Variants in TCF7L1 observed in about 807,000 individuals in gnomAD.
The protein encoded by TCF7L1 is transcription factor 7-like 1.
A neutral mutation model predicts 63.7 loss-of-function variants in TCF7L1; 18 were observed. That is an observed-to-expected ratio of 0.28 (90% confidence interval 0.20 to 0.42). The LOEUF (loss-of-function observed/expected upper bound fraction) is 0.42, where lower values mean the gene tolerates loss of function less well. Among genes scored for constraint, TCF7L1 ranks in the 10% least tolerant of loss-of-function variants. TCF7L1 has a pLI of 1.00. For missense variants in TCF7L1, 654 were observed against 779.3 expected (o/e 0.84, Z 1.91); for synonymous variants, 355 against 340.9 (o/e 1.04, Z -0.46).
At chr2:85,144,159 A>G (rs1677810411) in intron 3 of TCF7L1, among the ~76,000 whole-genome samples, 1 of 152,318 alleles carries the variant, frequency 6.6e-6, no homozygotes, top group East Asian at 1.9e-4. Flanking sequence ...ATGTACAAGT[A>G]TTATTTCCTT....
At chr2:85,177,574 G>A (rs899147806) in intron 3 of TCF7L1, among the ~76,000 whole-genome samples, 1 of 151,924 alleles carries the variant, frequency 6.6e-6, no homozygotes, top group African/African-American at 2.4e-5. Flanking sequence ...GTGTGGTGGC[G>A]CATGCCTGTA....
intron 3 of TCF7L1, among the ~76,000 whole-genome samples, chr2:85,276,529 C>T (rs750639523): frequency 6.6e-6 from 1 of 152,096 alleles, no homozygotes; most frequent in Non-Finnish European, 1.5e-5. Flanking sequence ...TGTGAAGAAG[C>T]GATCCGTGTC....
At chr2:85,152,055 C>A (rs376561690) in intron 3 of TCF7L1, among the ~76,000 whole-genome samples, 1 of 152,314 alleles carries the variant, frequency 6.6e-6, no homozygotes, top group Non-Finnish European at 1.5e-5. Context: ...CTTATTGATA[C>A]CCAAACTGTC....
chr2:85,226,498 T>C (rs1173987084), intron 3 of TCF7L1, among the ~76,000 whole-genome samples: 1 of 152,212 alleles, frequency 6.6e-6, no homozygotes, highest in Non-Finnish European at 1.5e-5. Context: ...CTGGCTTCTT[T>C]GCTGCTGTGC....
In TCF7L1 at chr2:85,134,585, ACT is replaced by A. The variant is rs776073229; in HGVS notation, c.441+140_441+141del. On this transcript the variant is annotated intron_variant, in intron 3 of 11. Coordinates refer to ENST00000282111, the MANE Select transcript of TCF7L1 (RefSeq NM_031283.3). This position sits in a 1 kb window ranked among gnomAD's most constrained non-coding sequence, Gnocchi z 5.0. ...CAGAACTTGTTTGCGGAGTTGAACT[ACT>A]CTCTGGCGGCCGAGCGCGAGGCTGC... is the stretch of plus-strand genomic sequence containing the variant. 26 of 1,244,204 alleles carry A rather than the reference ACT, an allele frequency of 2.1e-5. 1 individual carries two copies. In the South Asian group the frequency reaches 3.6e-4, roughly 17 times the overall value. The allele number at this position is 1,244,204 out of a possible 1,614,324, so 77.1% of individuals were successfully genotyped here.
chr2:85,252,818 C>A (rs1680626732), intron 3 of TCF7L1, among the ~76,000 whole-genome samples: 1 of 152,202 alleles, frequency 6.6e-6, no homozygotes. Context: ...ATTAGTCCTC[C>A]CTTCTCTGAG....
intron 3 of TCF7L1, among the ~76,000 whole-genome samples, chr2:85,269,107 A>T (rs971008209): frequency 6.6e-6 from 1 of 152,164 alleles, no homozygotes; most frequent in African/African-American, 2.4e-5. Flanking sequence ...GTGTCCTGGG[A>T]TGCTCTGACC....
intron 3 of TCF7L1, among the ~76,000 whole-genome samples, chr2:85,190,751 C>G (rs184074896): frequency 3.0e-4 from 46 of 152,332 alleles, no homozygotes; most frequent in African/African-American, 1.1e-3. Context: ...GGACTAAGAG[C>G]TTTGTACATA....
At chr2:85,307,051 T>C (rs1194214542) in intron 10 of TCF7L1, among the ~76,000 whole-genome samples, 1 of 151,910 alleles carries the variant, frequency 6.6e-6, no homozygotes, top group Admixed American at 6.6e-5. Flanking sequence ...TCTCAGGAGG[T>C]CAACAAGTCC....
intron 3 of TCF7L1, among the ~76,000 whole-genome samples, chr2:85,202,912 C>T (rs1558632483): frequency 6.6e-6 from 1 of 152,168 alleles, no homozygotes; most frequent in Non-Finnish European, 1.5e-5. Context: ...AGGCTCACTG[C>T]AAGCTCCACC....
At chr2:85,274,301 G>T (rs887877402) in intron 3 of TCF7L1, among the ~76,000 whole-genome samples, 1 of 152,220 alleles carries the variant, frequency 6.6e-6, no homozygotes, top group Non-Finnish European at 1.5e-5. Flanking sequence ...TCGAAAGCAA[G>T]TTGAACTTTG....
intron 3 of TCF7L1, among the ~76,000 whole-genome samples, chr2:85,237,836 G>A (rs1680229215): frequency 6.6e-6 from 1 of 151,988 alleles, no homozygotes; most frequent in Admixed American, 6.5e-5. Flanking sequence ...GGTAAGAACA[G>A]GAGGCCTAAA....
chr2:85,239,213 G>A (rs530639367), intron 3 of TCF7L1, among the ~76,000 whole-genome samples: 5 of 152,168 alleles, frequency 3.3e-5, no homozygotes, highest in Admixed American at 2.6e-4. Flanking sequence ...GGACCAGCCC[G>A]CCAGGCTGAG....
chr2:85,253,785 A>G (rs1680645629), intron 3 of TCF7L1, among the ~76,000 whole-genome samples: 1 of 152,232 alleles, frequency 6.6e-6, no homozygotes, highest in South Asian at 2.1e-4. Context: ...TTAAACCACC[A>G]CACAATCTTA....
At chr2:85,252,098 G>A (rs779703365) in intron 3 of TCF7L1, among the ~76,000 whole-genome samples, 3 of 152,112 alleles carry the variant, frequency 2.0e-5, no homozygotes, top group Non-Finnish European at 2.9e-5. Context: ...TCACACTCCA[G>A]ATGCTTCTCT....
In TCF7L1 at chr2:85,305,342, ATC is replaced by A. The variant is rs1273946554; in HGVS notation, c.929_930del (p.Ile310SerfsTer57). The A allele has an allele frequency of 6.2e-7, 1 of 1,612,118 alleles. No individual in the cohort carries two copies. ...CACCTCAGGGATCCCCCACCCTGCC[ATC>A]GTCTCCCCCATCGTCAAGCAGGAAC... ...LPTSGIPHPA[I>X]VSPIVKQEPA... is the part of the protein sequence containing the mutation. On this transcript the variant is annotated frameshift_variant, in exon 8 of 12. Transcript: ENST00000282111. LOFTEE classifies it high-confidence loss of function.
chr2:85,251,787 T>G (rs964362208), intron 3 of TCF7L1, among the ~76,000 whole-genome samples: 4 of 152,194 alleles, frequency 2.6e-5, no homozygotes, highest in African/African-American at 7.2e-5. Flanking sequence ...TCAGAGACAC[T>G]CTAGGCTAGG....
At chr2:85,222,340 CAA>C (rs1273144437) in intron 3 of TCF7L1, among the ~76,000 whole-genome samples, 1 of 95,934 alleles carries the variant, frequency 1.0e-5, no homozygotes, top group Non-Finnish European at 2.2e-5. Context: ...GACTCCATCT[CAA>C]AAAAAAAAAC....
At chr2:85,237,967 G>A (rs1297660918) in intron 3 of TCF7L1, among the ~76,000 whole-genome samples, 3 of 152,166 alleles carry the variant, frequency 2.0e-5, no homozygotes, top group Admixed American at 1.3e-4. Flanking sequence ...AAGGTGATGC[G>A]GGCAGGACCC....
Sources: gnomAD v4.1 joint callset for allele counts (sites outside exome capture counted in the v4.1 genomes callset) on GRCh38, gnomAD v4.1.1 for gene constraint, Gnocchi (gnomAD v3.1) non-coding constraint, MANE v1.5 for transcripts, NCBI Gene and HGNC (gene_info 2026-07-23, HGNC 2026-07-21) for gene names.